Variants in ADAMTS9 observed in about 807,000 individuals in gnomAD.
ADAMTS9 encodes A disintegrin and metalloproteinase with thrombospondin motifs 9.
In ADAMTS9, 107 loss-of-function variants were observed where a neutral mutation model predicts 257.1. That is an observed-to-expected ratio of 0.42 (90% confidence interval 0.36 to 0.49). The LOEUF is 0.49. Ranked by LOEUF, ADAMTS9 falls within the 20% of genes least tolerant of loss-of-function variation. The probability of loss-of-function intolerance (pLI) is 0.03; values close to 1 mark genes in which losing one functional copy is unlikely to be tolerated. For synonymous variants in ADAMTS9, 982 were observed against 880.9 expected, an observed-to-expected ratio of 1.11 and a Z score of -2.03; for missense variants, 2,353 against 2,469.1, an observed-to-expected ratio of 0.95 and a Z score of 1.00.
intron 38 of ADAMTS9, among the ~76,000 whole-genome samples, chr3:64,527,497 A>C (rs2082925008): frequency 6.6e-6 from 1 of 152,104 alleles, no homozygotes; most frequent in African/African-American, 2.4e-5. Flanking sequence ...GGGGATTTTG[A>C]TAAGAAAATC....
chr3:64,657,859 T>A (rs1472302711), intron 4 of ADAMTS9, among the ~76,000 whole-genome samples: 1 of 152,168 alleles, frequency 6.6e-6, no homozygotes, highest in African/African-American at 2.4e-5. Context: ...AACAATAGAC[T>A]TTGGTTCTGA....
chr3:64,532,919 C>T (rs2083001055), intron 38 of ADAMTS9, among the ~76,000 whole-genome samples: 1 of 152,136 alleles, frequency 6.6e-6, no homozygotes, highest in Non-Finnish European at 1.5e-5. Context: ...TTTCTAATTA[C>T]TTGGATGGTT....
At chr3:64,617,992 C>T (rs1016939541) in intron 19 of ADAMTS9, among the ~76,000 whole-genome samples, 5 of 152,112 alleles carry the variant, frequency 3.3e-5, no homozygotes, top group African/African-American at 1.2e-4. Context: ...TTGATAGATG[C>T]AAGATAGAAC....
At chr3:64,647,234 T>C (rs1385803959) in intron 11 of ADAMTS9, among the ~76,000 whole-genome samples, 1 of 152,140 alleles carries the variant, frequency 6.6e-6, no homozygotes, top group African/African-American at 2.4e-5. Context: ...TATCTAAAAC[T>C]TTTTGTTACC....
At chr3:64,528,477 A>G (rs2082937622) in intron 38 of ADAMTS9, among the ~76,000 whole-genome samples, 1 of 152,070 alleles carries the variant, frequency 6.6e-6, no homozygotes, top group African/African-American at 2.4e-5. Flanking sequence ...GAGAAACTTT[A>G]CGACCCCTAG....
At chr3:64,530,589 A>T (rs1223230771) in intron 38 of ADAMTS9, among the ~76,000 whole-genome samples, 2 of 151,334 alleles carry the variant, frequency 1.3e-5, no homozygotes, top group Non-Finnish European at 2.9e-5. Flanking sequence ...CCTCCAGCCC[A>T]GGCATCTCCC....
In ADAMTS9 at chr3:64,561,726, A is replaced by G. The variant is rs748775134; in HGVS notation, c.4550T>C (p.Val1517Ala). The G allele has an allele frequency of 1.3e-5, 19 of 1,519,050 alleles. No individual in the cohort carries two copies. The highest frequency in any genetic ancestry group is 2.9e-5 in the East Asian group (1 of 34,166). The allele number at this position is 1,519,050 out of a possible 1,614,324, so 94.1% of individuals were successfully genotyped here. A position where few individuals can be genotyped will look rare whatever the true frequency, so the allele number is the denominator to read the frequency against. ...SQCSVSCGRG[V>A]QQRHVGCQIG... is the part of the protein sequence containing the mutation. ...CTGACAGCCCACATGCCTCTGCTGT[A>G]CGCCTCGGCCACAGGACACAGAGCA... The change falls in exon 30 of 40, where the codon GTA (valine) becomes GCA (alanine). Residue 1517 changes from valine (V) to alanine (A), a missense_variant. Transcript: ENST00000498707.
chr3:64,623,155 T>G (rs117977667), intron 16 of ADAMTS9, among the ~76,000 whole-genome samples: 1 of 152,210 alleles, frequency 6.6e-6, no homozygotes, highest in Non-Finnish European at 1.5e-5. Context: ...CAACGAGCCT[T>G]GTGGCATGGT....
chr3:64,546,745 G>A lies in ADAMTS9; in HGVS notation c.5064+13C>T. 6.3e-7 allele frequency: 1 copy of A among 1,585,690 alleles called. No individual in the cohort carries two copies. On this transcript the variant is annotated intron_variant, in intron 32 of 39. Coordinates refer to ENST00000498707, the MANE Select transcript of ADAMTS9 (RefSeq NM_182920.2). Reference sequence around the variant, plus strand: ...AAGGGCTTTCAGATTTGAGTGCTCAGTCTTCTACTTACGCTCCCCCAGTTG... The same window carrying A: ...AAGGGCTTTCAGATTTGAGTGCTCAATCTTCTACTTACGCTCCCCCAGTTG...
At chr3:64,564,674 A>C (rs7650107) in intron 29 of ADAMTS9, among the ~76,000 whole-genome samples, 9,619 of 151,854 alleles carry the variant, frequency 0.063, 1,022 homozygotes, top group African/African-American at 0.22. Context: ...CTGGTTTGTA[A>C]CTACCAGATG....
rs9821940 is a variant in ADAMTS9 at position 64,600,880 on chromosome 3, T to C, written c.4017+1064A>G. Among the ~76,000 whole-genome samples, 209 of 152,246 alleles carry C rather than the reference T, an allele frequency of 1.4e-3. 1 individual carries two copies. The highest frequency in any genetic ancestry group is 4.7e-3 in the African/African-American group (197 of 41,532). The stretch of plus-strand genomic sequence containing the variant: ...GAAACAGACAGCTTCCTTCTAATTC[T>C]TTTTAGCCCAGAAACAATTAAACAG... On this transcript the variant is annotated intron_variant, in intron 26 of 39. Transcript: ENST00000498707.
At chr3:64,598,038 T>G (rs1034641269) in intron 26 of ADAMTS9, among the ~76,000 whole-genome samples, 10 of 152,242 alleles carry the variant, frequency 6.6e-5, no homozygotes, top group Admixed American at 3.3e-4. Context: ...TGCTTCTTGC[T>G]GGTCATCTTC....
In ADAMTS9 at chr3:64,686,555, C is replaced by T; in HGVS notation, c.516+13G>A. The T allele has an allele frequency of 6.3e-7, 1 of 1,585,788 alleles. No homozygotes were observed. The highest frequency in any genetic ancestry group is 8.6e-7 in the Non-Finnish European group (1 of 1,165,114). On this transcript the variant is annotated intron_variant, in intron 2 of 39. Coordinates refer to ENST00000498707, the MANE Select transcript of ADAMTS9 (RefSeq NM_182920.2). This position sits in a 1 kb window ranked among gnomAD's most constrained non-coding sequence, Gnocchi z 4.6. ...AGGCGGAAGGGGAGAGGAGGTGGCG[C>T]GCGCCCACTTACCATTCCTGAGCAG...
intron 4 of ADAMTS9, 22 bp downstream of exon 4, chr3:64,658,480 A>C (rs761771899): frequency 6.3e-7 from 1 of 1,599,198 alleles, no homozygotes; most frequent in African/African-American, 1.3e-5. Flanking sequence ...CTCATAAATC[A>C]CCTTCGTTTG....
At chr3:64,609,468 T>C (rs1239127593) in intron 22 of ADAMTS9, among the ~76,000 whole-genome samples, 3 of 152,038 alleles carry the variant, frequency 2.0e-5, no homozygotes. Context: ...AAGCCTATTG[T>C]GTTTCTATAC....
chr3:64,522,195 A>T lies in ADAMTS9; in HGVS notation c.5784T>A (p.Thr1928=), dbSNP rs886767037. ...YCGKCTPSSG[T]GLEVRVL is the part of the protein sequence containing the mutation. ...GCTATAAAACTCGCACCTCCAGGCCAGTACCAGAGGATGGAGTGCATTTTC... is the reference window on the plus strand; with the variant it reads ...GCTATAAAACTCGCACCTCCAGGCCTGTACCAGAGGATGGAGTGCATTTTC... Residue 1928 remains threonine (T), a synonymous_variant, in exon 39 of 40, where the codon ACT becomes ACA. Coordinates refer to ENST00000498707, the MANE Select transcript of ADAMTS9 (RefSeq NM_182920.2). 5 of 1,614,084 alleles carry T rather than the reference A, an allele frequency of 3.1e-6. No individual in the cohort carries two copies. In the East Asian group the frequency reaches 1.1e-4, roughly 36 times the overall value.
At chr3:64,670,459 C>T (rs1013036835) in intron 3 of ADAMTS9, among the ~76,000 whole-genome samples, 10 of 152,234 alleles carry the variant, frequency 6.6e-5, no homozygotes, top group Non-Finnish European at 2.9e-5. Context: ...GCATGCTCCA[C>T]TATACTTTCT....
intron 20 of ADAMTS9, 115 bp downstream of exon 20, chr3:64,615,845 T>A (rs912788524): frequency 3.6e-5 from 45 of 1,248,878 alleles, no homozygotes; most frequent in Admixed American, 8.8e-5. Context: ...GCATTACAAA[T>A]CAATCACGGT....
At chr3:64,520,778 C>A (rs1337879436) in intron 39 of ADAMTS9, among the ~76,000 whole-genome samples, 3 of 152,216 alleles carry the variant, frequency 2.0e-5, no homozygotes, top group Middle Eastern at 6.8e-3. Context: ...TTACCTCTTA[C>A]CATATACAAA....
Sources: allele counts gnomAD v4.1 joint callset (sites outside exome capture counted in the v4.1 genomes callset), GRCh38; gene constraint gnomAD v4.1.1; non-coding constraint Gnocchi (gnomAD v3.1); transcripts MANE v1.5; gene names NCBI Gene and HGNC (gene_info 2026-07-23, HGNC 2026-07-21).